DISC1: variants seen among roughly 807,000 people sequenced by gnomAD.
The protein encoded by DISC1 is DISC1 scaffold protein.
Under a neutral mutation model 84.5 loss-of-function variants are expected in DISC1, and 57 were observed. That is an observed-to-expected ratio of 0.67 (90% CI 0.55 to 0.84). The LOEUF (loss-of-function observed/expected upper bound fraction) is 0.84, where lower values mean the gene tolerates loss of function less well. Ranked by LOEUF, DISC1 falls within the 40% of genes least tolerant of loss-of-function variation. DISC1 has a pLI of 0.00. For missense variants in DISC1, 1,000 were observed against 1,057.8 expected (o/e 0.95, Z 0.76); for synonymous variants, 411 against 415.2 (o/e 0.99, Z 0.12).
intron 3 of DISC1, chr1:231,723,348 A>G (rs2070144040): frequency 1.0e-6 from 1 of 985,744 alleles, no homozygotes; most frequent in South Asian, 4.7e-5. Flanking sequence ...AAGCTCCTGC[A>G]GGAAGACCTG....
Position 231,701,962 on chromosome 1 carries a change from CCTTAAGATTAAAA to C in DISC1, c.1059_1071del (p.Leu353PhefsTer24). On this transcript the variant is annotated frameshift_variant, in exon 3 of 13. Transcript: ENST00000439617. LOFTEE classifies it high-confidence loss of function. The stretch of plus-strand genomic sequence containing the variant: ...CCCTTTAAACCAACATAGGTAATAT[CCTTAAGATTAAAA>C]CTTCAGAAACTTCAGGAAGATGCAG... 6.2e-7 allele frequency: 1 copy of C among 1,602,158 alleles called. No homozygotes were observed. The highest frequency in any genetic ancestry group is 8.5e-7 in the Non-Finnish European group (1 of 1,173,730).
intron 4 of DISC1, among the ~76,000 whole-genome samples, chr1:231,759,850 C>A (rs1171596118): frequency 1.3e-5 from 2 of 152,142 alleles, no homozygotes; most frequent in African/African-American, 4.8e-5. Flanking sequence ...TAGTCATGGC[C>A]TCAATAAGAG....
At chr1:231,681,930 C>G (rs1362295538) in intron 1 of DISC1, among the ~76,000 whole-genome samples, 2 of 152,180 alleles carry the variant, frequency 1.3e-5, no homozygotes, top group Admixed American at 1.3e-4. Flanking sequence ...GAACTCCTGA[C>G]CTCAGGTAAT....
intron 9 of DISC1, among the ~76,000 whole-genome samples, chr1:231,896,792 C>T (rs1338233492): frequency 1.3e-5 from 2 of 152,254 alleles, no homozygotes; most frequent in East Asian, 1.9e-4. Context: ...GGCACCATGT[C>T]GTTCAGTAAA....
Position 231,693,982 on chromosome 1 carries a change from A to T in DISC1, c.224A>T (p.Glu75Val). 1.1e-5 allele frequency: 18 copies of T among 1,614,062 alleles called. No individual in the cohort carries two copies. The highest frequency in any genetic ancestry group is 1.4e-5 in the Non-Finnish European group (16 of 1,179,958). The change falls in exon 2 of 13, where the codon GAG becomes GTG. Residue 75 changes from glutamate to valine, a missense_variant. By Grantham distance (121) the Glu-to-Val change is moderately radical (BLOSUM62 -2). Around this residue, in one of 3 missense-constraint regions of DISC1, gnomAD observed 292 missense variants for 280.2 expected, o/e 1.04. Transcript: ENST00000439617. ...TTCCCAGGAGGGGTGTCTGGCGAGG[A>T]GTCCCACCACTCGGAGTCCAGGGCC... ...FRFPGGVSGE[E>V]SHHSESRARQ...
intron 8 of DISC1, among the ~76,000 whole-genome samples, chr1:231,815,738 C>CA (rs35447965): frequency 0.68 from 92,128 of 136,088 alleles, 30,311 homozygotes; most frequent in East Asian, 0.77. Context: ...AACTCTGTCT[C>CA]AAAAAAAAAA....
chr1:231,710,899 A>T (rs2067734659), intron 3 of DISC1, among the ~76,000 whole-genome samples: 1 of 152,228 alleles, frequency 6.6e-6, no homozygotes. Context: ...AGCCCAAAAC[A>T]GGAAGCCTAA....
chr1:231,686,713 T>C (rs1292488147), intron 1 of DISC1, among the ~76,000 whole-genome samples: 4 of 152,362 alleles, frequency 2.6e-5, no homozygotes, highest in African/African-American at 9.6e-5. Flanking sequence ...TTCCTGCAGC[T>C]GGCTTGAATT....
At chr1:231,992,139 G>A (rs1665287971) in intron 10 of DISC1, among the ~76,000 whole-genome samples, 1 of 152,178 alleles carries the variant, frequency 6.6e-6, no homozygotes, top group Admixed American at 6.5e-5. Flanking sequence ...GGAATAGCTA[G>A]TGAAAAGGAC....
intron 9 of DISC1, among the ~76,000 whole-genome samples, chr1:231,841,342 G>C (rs1259124044): frequency 1.3e-5 from 2 of 152,176 alleles, no homozygotes; most frequent in African/African-American, 4.8e-5. Context: ...ATACCTTCCA[G>C]GGGGCAAAGC....
intron 1 of DISC1, among the ~76,000 whole-genome samples, chr1:231,685,441 CTTTAT>C (rs1572853722): frequency 6.6e-6 from 1 of 151,972 alleles, no homozygotes; most frequent in East Asian, 1.9e-4. Context: ...AAAGGCACTT[CTTTAT>C]TTTATCTTAT....
intron 5 of DISC1, among the ~76,000 whole-genome samples, chr1:231,769,763 A>C (rs2076415827): frequency 6.6e-6 from 1 of 152,190 alleles, no homozygotes; most frequent in Admixed American, 6.5e-5. Context: ...AAGATGGTGA[A>C]TTTTATGCTA....
At chr1:231,845,341 A>G (rs751557942) in intron 9 of DISC1, among the ~76,000 whole-genome samples, 119 of 152,324 alleles carry the variant, frequency 7.8e-4, no homozygotes, top group Non-Finnish European at 1.5e-3. Context: ...GGTCTCCACA[A>G]ACATTTTTGA....
chr1:231,819,010 C>T (rs1302840460), intron 9 of DISC1: 2 of 994,842 alleles, frequency 2.0e-6, no homozygotes, highest in East Asian at 1.1e-4. Flanking sequence ...GCCGCCTTAG[C>T]CAAAGTGTCT....
intron 9 of DISC1, among the ~76,000 whole-genome samples, chr1:231,903,535 G>A (rs2088367671): frequency 6.6e-6 from 1 of 152,206 alleles, no homozygotes; most frequent in South Asian, 2.1e-4. Context: ...CCATAGGATT[G>A]CCTGTGTGGG....
chr1:231,833,067 A>T (rs1384145017), intron 9 of DISC1, among the ~76,000 whole-genome samples: 2 of 146,460 alleles, frequency 1.4e-5, no homozygotes, highest in East Asian at 2.1e-4. Flanking sequence ...GTGGGGGGAT[A>T]CAAGAGGAGG....
chr1:231,859,463 G>T (rs769663964), intron 9 of DISC1, among the ~76,000 whole-genome samples: 20 of 152,172 alleles, frequency 1.3e-4, no homozygotes, highest in Non-Finnish European at 2.6e-4. Context: ...AGGGGCGAGG[G>T]AGCTCTCTGG....
rs1670594834 is a variant in DISC1, at chr1:232,037,511, C to T, written c.*680C>T. ...GGATCCCTGAGAGTCTCTGTTTCAT[C>T]AGGACATTCTGAAATTTACCCACAG... On this transcript the variant is annotated 3_prime_UTR_variant, in exon 13 of 13. Coordinates refer to ENST00000439617, the MANE Select transcript of DISC1 (RefSeq NM_018662.3). 1 of 152,216 alleles carries T rather than the reference C, an allele frequency of 6.6e-6. No homozygotes were observed. The highest frequency in any genetic ancestry group is 2.4e-5 in the African/African-American group (1 of 41,458). 9.4% of individuals were successfully genotyped at this position (152,216 alleles called of 1,614,324 possible).
chr1:231,998,885 T>C (rs1666303699), intron 10 of DISC1, among the ~76,000 whole-genome samples: 1 of 152,126 alleles, frequency 6.6e-6, no homozygotes, highest in Non-Finnish European at 1.5e-5. Context: ...AATATATATA[T>C]CAATTTATTG....
Sources: allele counts gnomAD v4.1 joint callset (sites outside exome capture counted in the v4.1 genomes callset), GRCh38; gene constraint gnomAD v4.1.1; regional missense constraint gnomAD v4.1.1; transcripts MANE v1.5; gene names NCBI Gene and HGNC (gene_info 2026-07-23, HGNC 2026-07-21).